The following AKR1E2 variants were observed in gnomAD, a reference collection of about 807,000 sequenced individuals.
The protein encoded by AKR1E2 is 1,5-anhydro-D-fructose reductase.
A neutral mutation model predicts 41.9 loss-of-function variants in AKR1E2; 43 were observed. The observed-to-expected ratio is 1.03, with a 90% CI of 0.80 to 1.32. The LOEUF (loss-of-function observed/expected upper bound fraction) is 1.32, where lower values mean the gene tolerates loss of function less well. Ranked by LOEUF, AKR1E2 falls within the 40% of genes most tolerant of loss-of-function variation. The pLI is 0.00. For missense variants in AKR1E2, 423 were observed against 396.5 expected (o/e 1.07, Z -0.57); for synonymous variants, 121 against 138.9 (o/e 0.87, Z 0.91).
At chr10:4,866,709 C>T in the AKR1E2 span, among the ~76,000 whole-genome samples, 17 of 143,708 alleles carry the variant, frequency 1.2e-4, no homozygotes, top group African/African-American at 4.3e-4. Flanking sequence ...GGCGCCATCT[C>T]GGCTCACTGC....
intron 8 of AKR1E2, chr10:4,845,712 C>T (rs1484523854): frequency 4.2e-6 from 2 of 470,934 alleles, no homozygotes; most frequent in East Asian, 1.4e-4. Flanking sequence ...ATCCCCATGG[C>T]CTAGCAAAAG....
chr10:4,862,959 G>C, the AKR1E2 span, among the ~76,000 whole-genome samples: 1 of 152,024 alleles, frequency 6.6e-6, no homozygotes, highest in South Asian at 2.1e-4. Flanking sequence ...GATTCATAAA[G>C]CAAGTCCTTA....
At chr10:4,842,547 T>C (rs1172990484) in intron 8 of AKR1E2, 43 bp downstream of exon 8, 6 of 1,572,416 alleles carry the variant, frequency 3.8e-6, no homozygotes, top group African/African-American at 1.4e-5. Flanking sequence ...TCAGATCATG[T>C]GTTAGATGGG....
At chr10:4,861,606 T>A in the AKR1E2 span, among the ~76,000 whole-genome samples, 3 of 152,168 alleles carry the variant, frequency 2.0e-5, no homozygotes, top group South Asian at 6.2e-4. Flanking sequence ...TGACCTCAAG[T>A]GATCCTCCCG....
At chr10:4,872,109 G>A in the AKR1E2 span, among the ~76,000 whole-genome samples, 1 of 152,146 alleles carries the variant, frequency 6.6e-6, no homozygotes, top group Non-Finnish European at 1.5e-5. Context: ...TGAATACACT[G>A]TGGAAAATAA....
At chr10:4,826,004 T>C (rs1032452876), upstream of AKR1E2, among the ~76,000 whole-genome samples, 3 of 152,142 alleles carry the variant, frequency 2.0e-5, no homozygotes, top group African/African-American at 7.2e-5. Flanking sequence ...CAATCGAAAA[T>C]TCCGTCGTCT....
At chr10:4,854,986 A>C in the AKR1E2 span, among the ~76,000 whole-genome samples, 11 of 152,314 alleles carry the variant, frequency 7.2e-5, no homozygotes, top group South Asian at 2.3e-3. Context: ...AGGATTAGAC[A>C]TGTACAGGAT....
intron 1 of AKR1E2, among the ~76,000 whole-genome samples, chr10:4,827,057 C>T (rs1488403031): frequency 8.0e-6 from 1 of 124,230 alleles, no homozygotes; most frequent in Non-Finnish European, 1.6e-5. Flanking sequence ...GCCTTGGGGA[C>T]AGAGCCAGAC....
At chr10:4,848,320 A>C (rs77417986), downstream of AKR1E2, among the ~76,000 whole-genome samples, 583 of 152,348 alleles carry the variant, frequency 3.8e-3, 2 homozygotes, top group African/African-American at 0.013. Context: ...ACATCTGCTC[A>C]TTCAGCCTGT....
the AKR1E2 span, among the ~76,000 whole-genome samples, chr10:4,864,308 A>G: frequency 6.6e-6 from 1 of 152,216 alleles, no homozygotes; most frequent in East Asian, 1.9e-4. Context: ...GGTTCAACAT[A>G]TGCAAATCAA....
the AKR1E2 span, among the ~76,000 whole-genome samples, chr10:4,869,948 A>T: frequency 0.032 from 4,808 of 152,060 alleles, 125 homozygotes; most frequent in East Asian, 0.065. Context: ...GGTTTGTTTT[A>T]TGGCCAGAAT....
downstream of AKR1E2, among the ~76,000 whole-genome samples, chr10:4,851,703 AAATGAAATAACCAAGGAATAG>A (rs1396168408): frequency 7.2e-5 from 11 of 152,208 alleles, no homozygotes; most frequent in African/African-American, 2.2e-4. Context: ...TCTGTTTTAT[AAATGAAATAACCAAGGAATAG>A]AGAAGTTAAG....
At chr10:4,856,212 ATAAT>A in the AKR1E2 span, among the ~76,000 whole-genome samples, 1 of 152,240 alleles carries the variant, frequency 6.6e-6, no homozygotes, top group Non-Finnish European at 1.5e-5. Context: ...AAAGGGTTAA[ATAAT>A]TGTCTTAAGT....
chr10:4,858,970 T>TCCA, the AKR1E2 span, among the ~76,000 whole-genome samples: 1 of 151,834 alleles, frequency 6.6e-6, no homozygotes, highest in Admixed American at 6.6e-5. Flanking sequence ...ATTACAGGCA[T>TCCA]CCACCACCAC....
At chr10:4,842,113 C>G (rs1259255447) in intron 7 of AKR1E2, among the ~76,000 whole-genome samples, 1 of 152,174 alleles carries the variant, frequency 6.6e-6, no homozygotes, top group Non-Finnish European at 1.5e-5. Context: ...GCCCCACCAA[C>G]TGCATGCATG....
At chr10:4,835,588 G>A (rs565376915) in intron 3 of AKR1E2, 87 bp from the exon 4 acceptor site, 2 of 1,490,688 alleles carry the variant, frequency 1.3e-6, no homozygotes, top group Non-Finnish European at 8.9e-7. Flanking sequence ...TGACAGGGCT[G>A]TGGCTTGGAT....
chr10:4,845,790 C>T (rs1476741655), intron 8 of AKR1E2: 2 of 471,202 alleles, frequency 4.2e-6, no homozygotes, highest in Non-Finnish European at 8.8e-6. Context: ...CTGCTACACA[C>T]TGAGGGGAAA....
the AKR1E2 span, among the ~76,000 whole-genome samples, chr10:4,859,748 T>C: frequency 6.6e-6 from 1 of 152,230 alleles, no homozygotes; most frequent in South Asian, 2.1e-4. Flanking sequence ...AGACTGTCCT[T>C]CCTTTCTCTG....
intron 1 of AKR1E2, 53 bp downstream of exon 1, chr10:4,826,416 T>A: frequency 1.6e-6 from 2 of 1,227,316 alleles, no homozygotes; most frequent in Non-Finnish European, 2.0e-6. Context: ...GCGCGGGACT[T>A]GGGGGCGCCC....
Sources: allele counts gnomAD v4.1 joint callset (sites outside exome capture counted in the v4.1 genomes callset), GRCh38; gene constraint gnomAD v4.1.1; transcripts MANE v1.5; gene names NCBI Gene and HGNC (gene_info 2026-07-23, HGNC 2026-07-21).